The following MAP6 variants were observed in gnomAD, a reference collection of about 807,000 sequenced individuals.
The protein encoded by MAP6 is microtubule associated protein 6, also known as microtubule-associated protein 6.
In MAP6, 26 loss-of-function variants were observed where a neutral mutation model predicts 42.4. The ratio of observed to expected loss-of-function variants is 0.61; its 90% confidence interval spans 0.45 to 0.85. The LOEUF (loss-of-function observed/expected upper bound fraction) is 0.85. Ranked by LOEUF, MAP6 falls within the 40% of genes least tolerant of loss-of-function variation. The probability of loss-of-function intolerance (pLI) is 0.00; values close to 1 mark genes in which losing one functional copy is unlikely to be tolerated. For missense variants in MAP6, 966 were observed against 1,099.0 expected, an observed-to-expected ratio of 0.88 and a Z score of 1.71; for synonymous variants, 418 against 443.8, an observed-to-expected ratio of 0.94 and a Z score of 0.73.
At chr11:75,651,015 CATT>C (rs1555042819) in intron 1 of MAP6, among the ~76,000 whole-genome samples, 1 of 152,196 alleles carries the variant, frequency 6.6e-6, no homozygotes, top group Non-Finnish European at 1.5e-5. Context: ...CAATCCCCAT[CATT>C]ATCATCATCT....
chr11:75,641,376 T>C lies in MAP6; in HGVS notation c.905+26089A>G, dbSNP rs191411396. ...GAGGGATAGCATTAGGAGATATACCTAATATTAAATGACGAGTTAATGGGT... is the reference window on the plus strand; with the variant it reads ...GAGGGATAGCATTAGGAGATATACCCAATATTAAATGACGAGTTAATGGGT... On this transcript the variant is annotated intron_variant, in intron 1 of 3. Coordinates refer to ENST00000304771, the MANE Select transcript of MAP6 (RefSeq NM_033063.2). 1.3e-3 allele frequency among the ~76,000 whole-genome samples: 201 copies of C among 151,180 alleles called. 1 individual carries two copies. The highest frequency in any genetic ancestry group is 1.8e-3 in the Non-Finnish European group (120 of 67,816).
intron 1 of MAP6, among the ~76,000 whole-genome samples, chr11:75,637,340 G>C (rs1943385943): frequency 6.6e-6 from 1 of 152,138 alleles, no homozygotes; most frequent in African/African-American, 2.4e-5. Flanking sequence ...ACTCTAAGTT[G>C]AAAAAGATAC....
At chr11:75,611,967 G>A (rs773079866) in intron 1 of MAP6, among the ~76,000 whole-genome samples, 61 of 152,366 alleles carry the variant, frequency 4.0e-4, no homozygotes, top group Non-Finnish European at 7.9e-4. Context: ...ACTACACTTC[G>A]GCAATGTGCC....
At chr11:75,621,873 A>C (rs1430859499) in intron 1 of MAP6, among the ~76,000 whole-genome samples, 1 of 152,098 alleles carries the variant, frequency 6.6e-6, no homozygotes, top group African/African-American at 2.4e-5. Flanking sequence ...AAATACAAAA[A>C]TTAGCCAGGT....
chr11:75,606,941 A>T (rs762356232), intron 2 of MAP6, among the ~76,000 whole-genome samples: 1 of 152,116 alleles, frequency 6.6e-6, no homozygotes, highest in South Asian at 2.1e-4. Context: ...AGTTTCCCTC[A>T]TTTTCCCTCC....
At position 75,667,517 on chromosome 11, in the gene MAP6, G is replaced by A; in HGVS notation, c.853C>T (p.Leu285Phe). The A allele has an allele frequency of 6.6e-7, 1 of 1,505,354 alleles. No individual in the cohort carries two copies. Among genetic ancestry groups the A allele is most frequent in the East Asian group, 2.8e-5 (1 of 35,442 alleles). The allele number at this position is 1,505,354 out of a possible 1,614,324, so 93.2% of individuals were successfully genotyped here. A position where few individuals can be genotyped will look rare whatever the true frequency, so the allele number is the denominator to read the frequency against. Residue 285 changes from leucine (L) to phenylalanine (F), a missense_variant, in exon 1 of 4, where the codon CTC becomes TTC. Physicochemically the swap from Leu to Phe is conservative, Grantham distance 22. This residue lies in a region of MAP6 where 943 missense variants were observed against 1,049.9 expected (regional missense o/e 0.90). Transcript: ENST00000304771. This position sits in a 1 kb window ranked among gnomAD's most constrained non-coding sequence, Gnocchi z 5.6. ...ACCTCCTCGCGGATTTGCCGGTTGA[G>A]GGCGTCCGCCGCGGCGCGCCCCCTG... ...AGRGRAAADALNRQIREEVAS... is the reference protein window; with the variant it reads ...AGRGRAAADAFNRQIREEVAS...
At chr11:75,594,538 T>C (rs905942409) in intron 3 of MAP6, 3 of 152,216 alleles carry the variant, frequency 2.0e-5, no homozygotes, top group Non-Finnish European at 2.9e-5. Context: ...TCTCTTTTAG[T>C]AATTATCCTG....
At chr11:75,663,115 C>T (rs1002915599) in intron 1 of MAP6, among the ~76,000 whole-genome samples, 1 of 152,016 alleles carries the variant, frequency 6.6e-6, no homozygotes, top group African/African-American at 2.4e-5. Flanking sequence ...GCGCACCCCA[C>T]CACGCCCGGC....
intron 1 of MAP6, among the ~76,000 whole-genome samples, chr11:75,633,893 C>A (rs767450119): frequency 1.3e-5 from 2 of 152,094 alleles, no homozygotes; most frequent in Non-Finnish European, 2.9e-5. Flanking sequence ...ATCTTCTGTG[C>A]GATGGGGAGC....
At chr11:75,662,905 T>C (rs1260752117) in intron 1 of MAP6, among the ~76,000 whole-genome samples, 1 of 152,040 alleles carries the variant, frequency 6.6e-6, no homozygotes, top group Non-Finnish European at 1.5e-5. Context: ...TCTGTAAAGT[T>C]TGCTGCCCTT....
At chr11:75,602,177 C>T (rs1942674554) in intron 3 of MAP6, among the ~76,000 whole-genome samples, 1 of 152,064 alleles carries the variant, frequency 6.6e-6, no homozygotes, top group Non-Finnish European at 1.5e-5. Flanking sequence ...TTTTCCATTT[C>T]TAGACTTGCT....
rs1057291235 is a variant in MAP6, at chr11:75,592,987, A to G, written c.1317-4803T>C. Among the ~76,000 whole-genome samples, 3 of 152,182 alleles carry G rather than the reference A, an allele frequency of 2.0e-5. No homozygotes were observed. The East Asian group carries it at 5.8e-4, about 29-fold the overall frequency. ...TTCCCTCTTCACCTGGCTAGTGTTT[A>G]CTCAGCTGTCATCTCTCAGCTCACT... On this transcript the variant is annotated intron_variant, in intron 3 of 3. Transcript: ENST00000304771.
chr11:75,646,437 G>A (rs181298787), intron 1 of MAP6, among the ~76,000 whole-genome samples: 1 of 150,658 alleles, frequency 6.6e-6, no homozygotes, highest in East Asian at 2.0e-4. Context: ...CGAGGCAGGC[G>A]GGTCACTTGA....
intron 1 of MAP6, among the ~76,000 whole-genome samples, chr11:75,643,833 T>TC (rs1357613417): frequency 6.6e-6 from 1 of 152,016 alleles, no homozygotes; most frequent in East Asian, 1.9e-4. Flanking sequence ...GGTAAAGAGC[T>TC]CCCCCAAGTT....
At chr11:75,603,676 G>C (rs1942706492) in intron 3 of MAP6, 8 of 985,100 alleles carry the variant, frequency 8.1e-6, no homozygotes, top group Non-Finnish European at 9.6e-6. Context: ...TGGTCATAGG[G>C]ATCAAGTCAT....
intron 1 of MAP6, among the ~76,000 whole-genome samples, chr11:75,652,427 G>GTTT (rs532310412): frequency 2.1e-3 from 322 of 152,232 alleles, no homozygotes; most frequent in Admixed American, 3.7e-3. Flanking sequence ...CTGCCTGATT[G>GTTT]TTTTGCCTGC....
At chr11:75,627,259 T>C (rs1401749975) in intron 1 of MAP6, among the ~76,000 whole-genome samples, 6 of 152,230 alleles carry the variant, frequency 3.9e-5, no homozygotes, top group African/African-American at 1.4e-4. Context: ...TGGAGAGACC[T>C]AGGGGTCCTG....
chr11:75,628,388 C>G (rs1011430868), intron 1 of MAP6, among the ~76,000 whole-genome samples: 1 of 152,170 alleles, frequency 6.6e-6, no homozygotes, highest in Non-Finnish European at 1.5e-5. Flanking sequence ...AAAGCACCCG[C>G]AAGACAAAGA....
intron 1 of MAP6, among the ~76,000 whole-genome samples, chr11:75,624,937 T>C (rs1209540886): frequency 6.6e-6 from 1 of 152,130 alleles, no homozygotes; most frequent in Non-Finnish European, 1.5e-5. Context: ...GGATGCATCC[T>C]AGAGTAACAA....
Sources: gnomAD v4.1 joint callset for allele counts (sites outside exome capture counted in the v4.1 genomes callset) on GRCh38, gnomAD v4.1.1 for gene constraint, gnomAD v4.1.1 regional missense constraint, Gnocchi (gnomAD v3.1) non-coding constraint, MANE v1.5 for transcripts, NCBI Gene and HGNC (gene_info 2026-07-23, HGNC 2026-07-21) for gene names.